Variants in MFHAS1 observed in about 807,000 individuals in gnomAD.
MFHAS1 encodes the protein malignant fibrous histiocytoma-amplified sequence 1.
In MFHAS1, 50 loss-of-function variants were observed where a neutral mutation model predicts 70.4. That is an observed-to-expected ratio of 0.71 (90% confidence interval 0.57 to 0.90). The LOEUF (loss-of-function observed/expected upper bound fraction) is 0.90, where lower values mean the gene tolerates loss of function less well. Among genes scored for constraint, MFHAS1 ranks in the 40% least tolerant of loss-of-function variants. The pLI, the probability that MFHAS1 is intolerant of heterozygous loss-of-function variation, is 0.00. For synonymous variants in MFHAS1, 952 were observed against 620.0 expected (o/e 1.54, Z -7.96); for missense variants, 1,795 against 1,347.6 (o/e 1.33, Z -5.20).
intron 1 of MFHAS1, among the ~76,000 whole-genome samples, chr8:8,833,066 G>A (rs1050102954): frequency 1.3e-5 from 2 of 152,080 alleles, no homozygotes; most frequent in African/African-American, 4.8e-5. Flanking sequence ...GTCTTACATG[G>A]CAGGAGCAGG....
chr8:8,819,620 A>G (rs1193270838), intron 1 of MFHAS1, among the ~76,000 whole-genome samples: 1 of 151,898 alleles, frequency 6.6e-6, no homozygotes, highest in Non-Finnish European at 1.5e-5. Context: ...AAAAAAAAAA[A>G]AAAAAAGAAT....
chr8:8,853,829 G>C (rs1220069389), intron 1 of MFHAS1, among the ~76,000 whole-genome samples: 1 of 152,120 alleles, frequency 6.6e-6, no homozygotes, highest in African/African-American at 2.4e-5. Context: ...GCCTCCCAAA[G>C]TACTAGGAGC....
chr8:8,828,903 T>C (rs1476320693), intron 1 of MFHAS1, among the ~76,000 whole-genome samples: 1 of 152,136 alleles, frequency 6.6e-6, no homozygotes, highest in African/African-American at 2.4e-5. Context: ...GCTCAGTCCT[T>C]CATGTCTTTC....
chr8:8,871,747 G>A (rs2116910359), intron 1 of MFHAS1, among the ~76,000 whole-genome samples: 1 of 152,322 alleles, frequency 6.6e-6, no homozygotes, highest in Middle Eastern at 3.4e-3. Context: ...CTAATCCACT[G>A]ATTTAATTAC....
At chr8:8,885,917 G>A (rs528666523) in intron 1 of MFHAS1, among the ~76,000 whole-genome samples, 6 of 152,292 alleles carry the variant, frequency 3.9e-5, no homozygotes, top group Non-Finnish European at 7.3e-5. Context: ...TCACCAGGTT[G>A]ACCAGGCTAG....
chr8:8,810,481 A>C (rs73519973), intron 1 of MFHAS1, among the ~76,000 whole-genome samples: 2 of 152,204 alleles, frequency 1.3e-5, no homozygotes, highest in African/African-American at 4.8e-5. Context: ...CTGAGAGAGC[A>C]AGTCCAACCC....
At chr8:8,848,177 G>A (rs1226595492) in intron 1 of MFHAS1, among the ~76,000 whole-genome samples, 3 of 152,176 alleles carry the variant, frequency 2.0e-5, no homozygotes, top group Non-Finnish European at 4.4e-5. Flanking sequence ...CGAGCTCCCA[G>A]AGTGTTCCAC....
At chr8:8,831,742 G>C (rs1196090097) in intron 1 of MFHAS1, among the ~76,000 whole-genome samples, 6 of 151,878 alleles carry the variant, frequency 4.0e-5, no homozygotes, top group Admixed American at 6.6e-5. Flanking sequence ...CTGAGTAGCT[G>C]GGATTACAGG....
chr8:8,885,328 G>T (rs1809712565), intron 1 of MFHAS1, among the ~76,000 whole-genome samples: 1 of 152,122 alleles, frequency 6.6e-6, no homozygotes, highest in East Asian at 1.9e-4. Flanking sequence ...AAATAATTTG[G>T]AGAGTAGGAT....
intron 1 of MFHAS1, among the ~76,000 whole-genome samples, chr8:8,883,346 A>G (rs1809604175): frequency 6.6e-6 from 1 of 152,106 alleles, no homozygotes; most frequent in African/African-American, 2.4e-5. Context: ...TTTCAAAACA[A>G]AACAAAACAA....
Position 8,785,844 on chromosome 8 carries a change from C to T in MFHAS1, c.*178G>A. 1 of 499,380 alleles carries T rather than the reference C, an allele frequency of 2.0e-6. No individual in the cohort carries two copies. Among genetic ancestry groups the T allele is most frequent in the Non-Finnish European group, 3.7e-6 (1 of 267,890 alleles). The allele number at this position is 499,380 out of a possible 1,614,324, so 30.9% of individuals were successfully genotyped here. On this transcript the variant is annotated 3_prime_UTR_variant, in exon 3 of 3. Transcript: ENST00000276282. ...GCTCCATGTTCTCGTCCATGCTTCC[C>T]CCCACCACCCCCTCCCCACCTCTTC...
intron 1 of MFHAS1, among the ~76,000 whole-genome samples, chr8:8,807,423 CA>C (rs1026724783): frequency 1.3e-5 from 2 of 152,130 alleles, no homozygotes; most frequent in African/African-American, 4.8e-5. Flanking sequence ...TACTGCCTCT[CA>C]AAAGAGCTGT....
chr8:8,805,818 C>A (rs1806268961), intron 1 of MFHAS1, among the ~76,000 whole-genome samples: 1 of 152,210 alleles, frequency 6.6e-6, no homozygotes, highest in African/African-American at 2.4e-5. Context: ...CTGCCTCAGA[C>A]TCCCAAATAG....
At position 8,891,898 on chromosome 8, in the gene MFHAS1, C is replaced by G; in HGVS notation, c.1161G>C (p.Lys387Asn). 1 of 1,611,050 alleles carries G rather than the reference C, an allele frequency of 6.2e-7. No homozygotes were observed. The highest frequency in any genetic ancestry group is 8.5e-7 in the Non-Finnish European group (1 of 1,178,482). The change falls in exon 1 of 3, where the codon AAG (lysine) becomes AAC (asparagine). Residue 387 changes from lysine to asparagine, a missense_variant. Lys to Asn is a moderately conservative substitution (Grantham distance 94). Transcript: ENST00000276282. This position sits in a 1 kb window ranked among gnomAD's most constrained non-coding sequence, Gnocchi z 5.4. ...GGTAGGCTGCGATGTAGGGGATCCC[C>G]TTCATGCAGACCTCGTAGGGGGGCT... ...LIQPPYEVCMKGIPYIAAYQK... is the reference protein window; with the variant it reads ...LIQPPYEVCMNGIPYIAAYQK...
At chr8:8,799,739 G>A (rs1440178664) in intron 1 of MFHAS1, among the ~76,000 whole-genome samples, 1 of 152,260 alleles carries the variant, frequency 6.6e-6, no homozygotes, top group Non-Finnish European at 1.5e-5. Flanking sequence ...CCGGGCGACA[G>A]AGTGAGACTC....
Position 8,892,895 on chromosome 8 carries a change from TG to T in MFHAS1, c.163del (p.Gln55SerfsTer14). On this transcript the variant is annotated frameshift_variant, in exon 1 of 3. Coordinates refer to ENST00000276282, the MANE Select transcript of MFHAS1 (RefSeq NM_004225.3). LOFTEE classifies it high-confidence loss of function. This position sits in a 1 kb window ranked among gnomAD's most constrained non-coding sequence, Gnocchi z 4.7. ...ADALESPASP[Q>X]LVLPANLGDI... The stretch of plus-strand genomic sequence containing the variant: ...CCCGAGGTTGGCCGGCAGCACGAGC[TG>T]GGGGGAGGCGGGGGACTCGAGCGCG... The T allele has an allele frequency of 5.1e-6, 8 of 1,577,276 alleles. No homozygotes were observed. The highest frequency in any genetic ancestry group is 3.6e-5 in the Admixed American group (2 of 55,032).
At chr8:8,839,495 C>G (rs1377556030) in intron 1 of MFHAS1, among the ~76,000 whole-genome samples, 3 of 152,184 alleles carry the variant, frequency 2.0e-5, no homozygotes, top group African/African-American at 7.2e-5. Flanking sequence ...TATCCTAGTT[C>G]TGGTCCCAAA....
chr8:8,852,232 G>C (rs1033953220), intron 1 of MFHAS1, among the ~76,000 whole-genome samples: 7 of 152,140 alleles, frequency 4.6e-5, no homozygotes, highest in Non-Finnish European at 1.0e-4. Context: ...AATCACATTT[G>C]GGAAGCCGAG....
chr8:8,829,071 T>A (rs1370351231), intron 1 of MFHAS1, among the ~76,000 whole-genome samples: 1 of 152,206 alleles, frequency 6.6e-6, no homozygotes, highest in Non-Finnish European at 1.5e-5. Flanking sequence ...GGGCCCTTTG[T>A]GATCCAGCCC....
Sources: gnomAD v4.1 joint callset for allele counts (sites outside exome capture counted in the v4.1 genomes callset) on GRCh38, gnomAD v4.1.1 for gene constraint, Gnocchi (gnomAD v3.1) non-coding constraint, MANE v1.5 for transcripts, NCBI Gene and HGNC (gene_info 2026-07-23, HGNC 2026-07-21) for gene names.